LYPD6: variants seen among roughly 807,000 people sequenced by gnomAD.
The protein encoded by LYPD6 is LY6/PLAUR domain containing 6.
A neutral mutation model predicts 22.7 loss-of-function variants in LYPD6; 15 were observed. The observed-to-expected ratio is 0.66, with a 90% CI of 0.44 to 1.02. The LOEUF is 1.02. Among genes scored for constraint, LYPD6 ranks in the 50% least tolerant of loss-of-function variants. The pLI is 0.00. For missense variants in LYPD6, 189 were observed against 208.4 expected, an observed-to-expected ratio of 0.91 and a Z score of 0.57; for synonymous variants, 72 against 77.5, an observed-to-expected ratio of 0.93 and a Z score of 0.37.
At position 149,375,581 on chromosome 2, in the gene LYPD6, G is replaced by A. The variant is rs112099340; in HGVS notation, c.-72+44859G>A. Reference sequence around the variant, plus strand: ...CTAAAGAGAATCAGAAAAATGTTTGGGGTTCTCCCAACATTTTCTCTTTGT... The same window carrying A: ...CTAAAGAGAATCAGAAAAATGTTTGAGGTTCTCCCAACATTTTCTCTTTGT... On this transcript the variant is annotated intron_variant, in intron 1 of 4. Transcript: ENST00000334166. Among the ~76,000 whole-genome samples, 1,248 of 152,136 alleles carry A rather than the reference G, an allele frequency of 8.2e-3. 8 individuals carry two copies. Among genetic ancestry groups the A allele is most frequent in the Non-Finnish European group, 0.015 (992 of 67,982 alleles).
chr2:149,454,865 C>A (rs998977721), intron 3 of LYPD6, among the ~76,000 whole-genome samples: 1 of 152,138 alleles, frequency 6.6e-6, no homozygotes, highest in African/African-American at 2.4e-5. Flanking sequence ...CTTCTCTGAA[C>A]CTCATTTCTC....
the LYPD6 span, among the ~76,000 whole-genome samples, chr2:149,483,491 A>C: frequency 6.6e-6 from 1 of 152,186 alleles, no homozygotes; most frequent in African/African-American, 2.4e-5. Context: ...TCCTTCTTTC[A>C]GAAGTTTCTG....
At chr2:149,392,427 A>G (rs978371219) in intron 1 of LYPD6, among the ~76,000 whole-genome samples, 1 of 152,166 alleles carries the variant, frequency 6.6e-6, no homozygotes, top group African/African-American at 2.4e-5. Flanking sequence ...ACAATGTCTC[A>G]GTGGTTTGTT....
intron 1 of LYPD6, among the ~76,000 whole-genome samples, chr2:149,409,800 A>G (rs901901331): frequency 1.4e-4 from 21 of 152,074 alleles, no homozygotes; most frequent in Non-Finnish European, 3.1e-4. Flanking sequence ...TCTCACTCCT[A>G]CCGTGAGTAG....
At chr2:149,423,627 A>G (rs927710517) in intron 1 of LYPD6, among the ~76,000 whole-genome samples, 1 of 152,204 alleles carries the variant, frequency 6.6e-6, no homozygotes, top group East Asian at 1.9e-4. Flanking sequence ...TTTTCTGCGG[A>G]TAGATACCTG....
At chr2:149,436,879 C>G (rs2105149173) in intron 1 of LYPD6, among the ~76,000 whole-genome samples, 1 of 152,092 alleles carries the variant, frequency 6.6e-6, no homozygotes, top group Admixed American at 6.5e-5. Flanking sequence ...CTACGCCCAT[C>G]CAATCCGTTT....
chr2:149,362,178 T>C (rs560650768), intron 1 of LYPD6, among the ~76,000 whole-genome samples: 1 of 152,296 alleles, frequency 6.6e-6, no homozygotes, highest in South Asian at 2.1e-4. Flanking sequence ...AATTTTGTGG[T>C]AATTTGTTAC....
chr2:149,429,621 C>T (rs1253608169), intron 1 of LYPD6, among the ~76,000 whole-genome samples: 3 of 152,206 alleles, frequency 2.0e-5, no homozygotes, highest in Admixed American at 1.3e-4. Context: ...TTGCAAGTCA[C>T]CACAGACCTT....
intron 1 of LYPD6, among the ~76,000 whole-genome samples, chr2:149,378,736 A>C (rs1431771802): frequency 6.6e-6 from 1 of 152,064 alleles, no homozygotes; most frequent in African/African-American, 2.4e-5. Context: ...AGCTCACCCT[A>C]CAATTGCCAC....
intron 1 of LYPD6, among the ~76,000 whole-genome samples, chr2:149,406,175 AGGTGT>A (rs975474976): frequency 6.7e-5 from 10 of 149,614 alleles, no homozygotes; most frequent in African/African-American, 2.4e-4. Flanking sequence ...ATTTTGGAAT[AGGTGT>A]GGTGTGGTGC....
chr2:149,398,419 G>C (rs1682474024), intron 1 of LYPD6, among the ~76,000 whole-genome samples: 1 of 132,466 alleles, frequency 7.5e-6, no homozygotes, highest in African/African-American at 3.3e-5. Flanking sequence ...GGCTTTGTGT[G>C]TGTGTGTGTG....
At chr2:149,398,442 TG>T (rs1682475368) in intron 1 of LYPD6, among the ~76,000 whole-genome samples, 4 of 151,884 alleles carry the variant, frequency 2.6e-5, no homozygotes, top group African/African-American at 7.3e-5. Flanking sequence ...TGTGTGTGTG[TG>T]TGTGTATGTG....
At chr2:149,463,993 A>G (rs887320927) in intron 3 of LYPD6, among the ~76,000 whole-genome samples, 1 of 152,096 alleles carries the variant, frequency 6.6e-6, no homozygotes, top group Admixed American at 6.6e-5. Context: ...ATATTATACC[A>G]TAGTTTTGCA....
intron 1 of LYPD6, among the ~76,000 whole-genome samples, chr2:149,354,331 C>T (rs1183615177): frequency 1.3e-5 from 2 of 152,150 alleles, no homozygotes; most frequent in East Asian, 3.9e-4. Flanking sequence ...CCTCAGCCTC[C>T]TGAGTAGCTG....
chr2:149,389,883 A>G (rs978398139), intron 1 of LYPD6, among the ~76,000 whole-genome samples: 7 of 152,104 alleles, frequency 4.6e-5, no homozygotes, highest in Admixed American at 3.3e-4. Context: ...TTTAGTACTG[A>G]ACTGTCATTT....
intron 1 of LYPD6, among the ~76,000 whole-genome samples, chr2:149,425,691 T>G (rs1216605850): frequency 6.6e-6 from 1 of 152,222 alleles, no homozygotes; most frequent in African/African-American, 2.4e-5. Flanking sequence ...TTATAGAGAC[T>G]TATAAATGAA....
chr2:149,404,424 A>T (rs889575632), intron 1 of LYPD6, among the ~76,000 whole-genome samples: 1 of 152,164 alleles, frequency 6.6e-6, no homozygotes, highest in African/African-American at 2.4e-5. Flanking sequence ...GGTGGTTTGT[A>T]GTTTTACTTG....
rs142562551 is a variant in LYPD6 at position 149,355,228 on chromosome 2, C to T, written c.-72+24506C>T. ...AGTCTCAGCATTATATTTCTAAATA[C>T]CAAAACTTGCTAGTGTCAGTAGAAG... On this transcript the variant is annotated intron_variant, in intron 1 of 4. Transcript: ENST00000334166. 5.1e-3 allele frequency among the ~76,000 whole-genome samples: 769 copies of T among 152,162 alleles called. 7 individuals are homozygous for T. Among genetic ancestry groups the T allele is most frequent in the African/African-American group, 0.018 (745 of 41,522 alleles).
chr2:149,394,830 C>T (rs1242846095), intron 1 of LYPD6, among the ~76,000 whole-genome samples: 1 of 152,190 alleles, frequency 6.6e-6, no homozygotes, highest in Admixed American at 6.5e-5. Context: ...TTGTAGATGT[C>T]CACATTTCTA....
Sources: gnomAD v4.1 joint callset for allele counts (sites outside exome capture counted in the v4.1 genomes callset) on GRCh38, gnomAD v4.1.1 for gene constraint, MANE v1.5 for transcripts, NCBI Gene and HGNC (gene_info 2026-07-23, HGNC 2026-07-21) for gene names.